The following SIPA1L3 variants were observed in gnomAD, a reference collection of about 807,000 sequenced individuals.
SIPA1L3 encodes the protein signal induced proliferation associated 1 like 3.
A neutral mutation model predicts 150.1 loss-of-function variants in SIPA1L3; 59 were observed. The ratio of observed to expected loss-of-function variants is 0.39; its 90% CI spans 0.32 to 0.49. The LOEUF (loss-of-function observed/expected upper bound fraction) is 0.49. SIPA1L3 is among the 20% of genes least tolerant of loss of function. The probability of loss-of-function intolerance (pLI) is 0.86; values close to 1 mark genes in which losing one functional copy is unlikely to be tolerated. For synonymous variants in SIPA1L3, 1,070 were observed against 1,077.6 expected, an observed-to-expected ratio of 0.99 and a Z score of 0.14; for missense variants, 2,211 against 2,489.5, an observed-to-expected ratio of 0.89 and a Z score of 2.38.
intron 10 of SIPA1L3, among the ~76,000 whole-genome samples, chr19:38,134,968 T>G (rs1971402559): frequency 6.6e-6 from 1 of 152,138 alleles, no homozygotes; most frequent in Non-Finnish European, 1.5e-5. Context: ...AGTGCCATAT[T>G]CACATATGAC....
chr19:38,014,380 C>T (rs945953018), intron 1 of SIPA1L3, among the ~76,000 whole-genome samples: 1 of 151,998 alleles, frequency 6.6e-6, no homozygotes, highest in Non-Finnish European at 1.5e-5. Context: ...ACTCATGAGA[C>T]CAGCACAGAG....
At chr19:37,982,689 A>G (rs78800780) in intron 1 of SIPA1L3, among the ~76,000 whole-genome samples, 1 of 152,160 alleles carries the variant, frequency 6.6e-6, no homozygotes, top group Non-Finnish European at 1.5e-5. Flanking sequence ...AGCTTTCTCC[A>G]TAATGGACTC....
rs369176580 is a variant in SIPA1L3, at chr19:37,946,244, TC to T, written c.-379+38888del. Among the ~76,000 whole-genome samples the T allele has an allele frequency of 5.2e-3, 786 of 152,288 alleles. 10 individuals are homozygous for T. Among genetic ancestry groups the T allele is most frequent in the African/African-American group, 0.018 (730 of 41,548 alleles). ...AGGGTCCAGTACAGGAGTTCTGGTT[TC>T]CTGGATCCTCACCAACGCTGGGCTC... On this transcript the variant is annotated intron_variant, in intron 1 of 21. Transcript: ENST00000222345.
intron 9 of SIPA1L3, among the ~76,000 whole-genome samples, chr19:38,126,945 C>T (rs933255123): frequency 1.3e-5 from 2 of 152,062 alleles, no homozygotes; most frequent in Non-Finnish European, 2.9e-5. Context: ...GTAATCCCAG[C>T]ACTTTGGGAG....
Position 38,164,646 on chromosome 19 carries a change from C to T in SIPA1L3, c.3948C>T (p.Tyr1316=), listed in dbSNP as rs146766773. 3.2e-5 allele frequency: 51 copies of T among 1,614,074 alleles called. No individual in the cohort carries two copies. The highest frequency in any genetic ancestry group is 4.2e-5 in the Non-Finnish European group (49 of 1,180,040). The change falls in exon 15 of 22, where the codon TAC becomes TAT. Residue 1316 remains tyrosine (Y), a synonymous_variant. Coordinates refer to ENST00000222345, the MANE Select transcript of SIPA1L3 (RefSeq NM_015073.3). The surrounding 1 kb of genome is among the most constrained non-coding windows in gnomAD (Gnocchi z 4.1). ...ACAGCGGCATCGACACCACCCTCTA[C>T]ACCTCCAGCCCTAGCTGCATGTCCC... The part of the protein sequence containing the change: ...SSDSGIDTTL[Y]TSSPSCMSLA...
intron 9 of SIPA1L3, among the ~76,000 whole-genome samples, chr19:38,125,722 A>G (rs182947062): frequency 3.9e-5 from 6 of 152,308 alleles, no homozygotes; most frequent in African/African-American, 1.2e-4. Flanking sequence ...GGCTGACTCA[A>G]CTGCCCCAGA....
chr19:38,153,539 A>T (rs1196851337), intron 13 of SIPA1L3, among the ~76,000 whole-genome samples: 1 of 151,982 alleles, frequency 6.6e-6, no homozygotes, highest in Non-Finnish European at 1.5e-5. Context: ...GCATGGTGGC[A>T]TGTACCTGTA....
chr19:38,071,059 G>C (rs929593739), intron 2 of SIPA1L3, among the ~76,000 whole-genome samples: 1 of 152,126 alleles, frequency 6.6e-6, no homozygotes, highest in Non-Finnish European at 1.5e-5. Flanking sequence ...TCAGCTTCTT[G>C]GGCGTGCTGC....
chr19:37,993,999 A>G (rs980380060), intron 1 of SIPA1L3, among the ~76,000 whole-genome samples: 4 of 152,150 alleles, frequency 2.6e-5, no homozygotes, highest in African/African-American at 7.2e-5. Context: ...GGCTCAAGCA[A>G]TCCTCCTATT....
chr19:38,121,948 C>T (rs1260751137), intron 9 of SIPA1L3, among the ~76,000 whole-genome samples: 1 of 148,718 alleles, frequency 6.7e-6, no homozygotes, highest in Non-Finnish European at 1.5e-5. Context: ...TGGCCAGGCG[C>T]GGTGGCTCAC....
chr19:38,000,983 C>CATAT (rs1272228782), intron 1 of SIPA1L3, among the ~76,000 whole-genome samples: 3 of 145,300 alleles, frequency 2.1e-5, no homozygotes, highest in East Asian at 2.0e-4. Context: ...ATATATAACA[C>CATAT]ACATATATAT....
intron 1 of SIPA1L3, among the ~76,000 whole-genome samples, chr19:37,984,235 C>T (rs1967284639): frequency 6.6e-6 from 1 of 151,852 alleles, no homozygotes; most frequent in Non-Finnish European, 1.5e-5. Flanking sequence ...CAAGCACAGT[C>T]AAAGAGAAAA....
At chr19:38,104,982 G>A (rs368453944) in intron 6 of SIPA1L3, among the ~76,000 whole-genome samples, 174 of 152,238 alleles carry the variant, frequency 1.1e-3, no homozygotes, top group Admixed American at 7.1e-3. Context: ...GGTGTTACCC[G>A]GCTCCCAACC....
intron 1 of SIPA1L3, among the ~76,000 whole-genome samples, chr19:37,980,375 C>G (rs543634009): frequency 1.3e-5 from 2 of 152,216 alleles, no homozygotes; most frequent in Non-Finnish European, 2.9e-5. Flanking sequence ...GTACTCTGCT[C>G]TGCACTTTGC....
chr19:38,193,699 C>A lies in SIPA1L3; in HGVS notation c.4759C>A (p.Arg1587Ser). The change falls in exon 18 of 22, where the codon CGC (arginine) becomes AGC (serine). Residue 1587 changes from arginine to serine, a missense_variant. By Grantham distance (110) the Arg-to-Ser change is moderately radical. This residue lies in a region of SIPA1L3 where 806 missense variants were observed against 870.1 expected (regional missense o/e 0.93). Transcript: ENST00000222345. ...CAFPSSTLPA[R>S]RQHQHPHPPV... Reference sequence around the variant, plus strand: ...CTTCCCGTCCAGCACGCTGCCTGCACGCCGCCAGCACCAGCACCCCCACCC... The same window carrying A: ...CTTCCCGTCCAGCACGCTGCCTGCAAGCCGCCAGCACCAGCACCCCCACCC... 1 of 1,571,962 alleles carries A rather than the reference C, an allele frequency of 6.4e-7. No individual in the cohort carries two copies. The highest frequency in any genetic ancestry group is 8.6e-7 in the Non-Finnish European group (1 of 1,166,706).
Position 38,030,035 on chromosome 19 carries a change from G to T in SIPA1L3, c.-311+879G>T, listed in dbSNP as rs534488433. On this transcript the variant is annotated intron_variant, in intron 2 of 21. Transcript: ENST00000222345. ...ATGCCCGGCTGATTTTTGTATTTTT[G>T]TAGAGATGAGGTTTCACCATGCTGG... Among the ~76,000 whole-genome samples, 44 of 151,958 alleles carry T rather than the reference G, an allele frequency of 2.9e-4. No individual in the cohort carries two copies. In the Middle Eastern group the frequency reaches 0.02, roughly 70 times the overall value.
intron 1 of SIPA1L3, among the ~76,000 whole-genome samples, chr19:37,944,984 A>C (rs1044925476): frequency 2.0e-5 from 3 of 151,940 alleles, no homozygotes; most frequent in African/African-American, 7.3e-5. Context: ...CATTCAATAC[A>C]CCTCACCTTT....
intron 2 of SIPA1L3, among the ~76,000 whole-genome samples, chr19:38,040,394 A>G: frequency 6.6e-6 from 1 of 151,788 alleles, no homozygotes; most frequent in East Asian, 1.9e-4. Context: ...CCTTTTAGGA[A>G]TTGGTGATCT....
chr19:38,203,724 G>T, intron 20 of SIPA1L3: 1 of 170,970 alleles, frequency 5.8e-6, no homozygotes, highest in Non-Finnish European at 1.3e-5. Context: ...AGGTCCTTTT[G>T]ACCATCTGTC....
Sources: allele counts gnomAD v4.1 joint callset (sites outside exome capture counted in the v4.1 genomes callset), GRCh38; gene constraint gnomAD v4.1.1; regional missense constraint gnomAD v4.1.1; non-coding constraint Gnocchi (gnomAD v3.1); transcripts MANE v1.5; gene names NCBI Gene and HGNC (gene_info 2026-07-23, HGNC 2026-07-21).